Variants in GALNT13 observed in about 807,000 individuals in gnomAD.
GALNT13 encodes the protein polypeptide N-acetylgalactosaminyltransferase 13.
Under a neutral mutation model 64.2 loss-of-function variants are expected in GALNT13, and 28 were observed. The ratio of observed to expected loss-of-function variants is 0.44; its 90% CI spans 0.32 to 0.60. The LOEUF (loss-of-function observed/expected upper bound fraction) is 0.60, where lower values mean the gene tolerates loss of function less well. GALNT13 is among the 20% of genes least tolerant of loss of function. GALNT13 has a pLI of 0.05. For synonymous variants in GALNT13, 214 were observed against 224.6 expected (o/e 0.95, Z 0.42); for missense variants, 577 against 669.8 (o/e 0.86, Z 1.53).
chr2:153,815,352 T>G, the GALNT13 span, among the ~76,000 whole-genome samples: 1 of 152,180 alleles, frequency 6.6e-6, no homozygotes, highest in African/African-American at 2.4e-5. Context: ...AGTTAGTATA[T>G]CCACATTGTT....
chr2:154,425,453 T>C (rs1448056306), intron 11 of GALNT13, among the ~76,000 whole-genome samples: 2 of 152,204 alleles, frequency 1.3e-5, no homozygotes, highest in Non-Finnish European at 2.9e-5. Flanking sequence ...TGCATAATGG[T>C]ACCAACTAAT....
chr2:153,424,580 A>G, the GALNT13 span, among the ~76,000 whole-genome samples: 1 of 151,918 alleles, frequency 6.6e-6, no homozygotes. Flanking sequence ...GTAACATTTT[A>G]TATCCATCAG....
the GALNT13 span, among the ~76,000 whole-genome samples, chr2:153,842,995 T>C: frequency 1.3e-5 from 2 of 152,086 alleles, no homozygotes; most frequent in African/African-American, 4.8e-5. Context: ...AAATTAAATA[T>C]AGTGAAAGAG....
the GALNT13 span, among the ~76,000 whole-genome samples, chr2:153,584,147 C>T: frequency 6.6e-6 from 1 of 152,152 alleles, no homozygotes; most frequent in East Asian, 1.9e-4. Context: ...ATACCACCCT[C>T]CCCATGCTAA....
intron 4 of GALNT13, among the ~76,000 whole-genome samples, chr2:154,219,644 C>G (rs1349223696): frequency 6.6e-6 from 1 of 152,096 alleles, no homozygotes; most frequent in Non-Finnish European, 1.5e-5. Flanking sequence ...CTTACCAACC[C>G]AATCCTGCTC....
At chr2:153,794,973 A>G in the GALNT13 span, among the ~76,000 whole-genome samples, 3 of 152,168 alleles carry the variant, frequency 2.0e-5, no homozygotes, top group African/African-American at 4.8e-5. Flanking sequence ...AGTTAGTTCC[A>G]TTTTTTTCTT....
At chr2:153,769,301 T>A in the GALNT13 span, among the ~76,000 whole-genome samples, 1 of 151,522 alleles carries the variant, frequency 6.6e-6, no homozygotes, top group Non-Finnish European at 1.5e-5. Flanking sequence ...TCAGCTTTTG[T>A]TTGTCTGGAA....
intron 8 of GALNT13, among the ~76,000 whole-genome samples, chr2:154,273,511 T>C (rs1691467600): frequency 6.6e-6 from 1 of 152,220 alleles, no homozygotes; most frequent in African/African-American, 2.4e-5. Flanking sequence ...GTGTACCTAT[T>C]TGCCACATAC....
the GALNT13 span, among the ~76,000 whole-genome samples, chr2:153,366,574 A>T: frequency 7.4e-4 from 112 of 152,194 alleles, no homozygotes; most frequent in African/African-American, 2.5e-3. Context: ...TGGGTATCCC[A>T]GAAAGAGACA....
intron 8 of GALNT13, among the ~76,000 whole-genome samples, chr2:154,283,221 T>A (rs573678740): frequency 2.0e-5 from 3 of 152,282 alleles, no homozygotes; most frequent in South Asian, 2.1e-4. Context: ...GGGATTTTTT[T>A]TTATTATTTT....
chr2:153,361,907 G>A, the GALNT13 span, among the ~76,000 whole-genome samples: 1 of 152,090 alleles, frequency 6.6e-6, no homozygotes, highest in Non-Finnish European at 1.5e-5. Context: ...TCAACCCCAA[G>A]ACACATAATC....
At chr2:153,109,737 A>G in the GALNT13 span, among the ~76,000 whole-genome samples, 1 of 152,132 alleles carries the variant, frequency 6.6e-6, no homozygotes, top group Non-Finnish European at 1.5e-5. Flanking sequence ...TGACATTTCC[A>G]GTAAGCCCAA....
the GALNT13 span, among the ~76,000 whole-genome samples, chr2:153,537,983 C>A: frequency 1.3e-5 from 2 of 152,108 alleles, no homozygotes; most frequent in Non-Finnish European, 2.9e-5. Flanking sequence ...ATAAAGGTAG[C>A]TGAAAATGTG....
rs572058442 is a variant in GALNT13, at chr2:154,281,621, T to C, written c.976-19788T>C. 2.0e-5 allele frequency among the ~76,000 whole-genome samples: 3 copies of C among 152,254 alleles called. No homozygotes were observed. The South Asian group carries it at 6.2e-4, about 32-fold the overall frequency. On this transcript the variant is annotated intron_variant, in intron 8 of 12. Coordinates refer to ENST00000392825, the MANE Select transcript of GALNT13 (RefSeq NM_052917.4). ...CACTGTGTTTTTGAGCTGCTAGGAA[T>C]GGGTTTCTGGTTTTGAGAGGAGTGG...
intron 3 of GALNT13, among the ~76,000 whole-genome samples, chr2:154,035,658 G>T (rs555201156): frequency 2.6e-5 from 4 of 152,098 alleles, no homozygotes; most frequent in South Asian, 4.1e-4. Context: ...ATTTATTGAT[G>T]CCTAGACCAA....
the GALNT13 span, among the ~76,000 whole-genome samples, chr2:153,082,816 A>T: frequency 2.3e-4 from 34 of 145,876 alleles, no homozygotes; most frequent in Admixed American, 5.5e-4. Context: ...GAATAAATAA[A>T]ATATATTTTA....
At chr2:154,296,733 G>C (rs557897506) in intron 8 of GALNT13, among the ~76,000 whole-genome samples, 1 of 152,118 alleles carries the variant, frequency 6.6e-6, no homozygotes, top group African/African-American at 2.4e-5. Flanking sequence ...AATAACTGGG[G>C]TGGGGCTACT....
intron 2 of GALNT13, among the ~76,000 whole-genome samples, chr2:153,903,109 G>GTA (rs2105297034): frequency 6.6e-6 from 1 of 152,030 alleles, no homozygotes; most frequent in African/African-American, 2.4e-5. Flanking sequence ...TAAATCTCTT[G>GTA]TATATATTCA....
At chr2:154,220,255 T>C (rs1688256717) in intron 4 of GALNT13, among the ~76,000 whole-genome samples, 1 of 152,030 alleles carries the variant, frequency 6.6e-6, no homozygotes, top group Non-Finnish European at 1.5e-5. Context: ...GAGCCATAAA[T>C]GAAATATTTG....
Sources: allele counts gnomAD v4.1 joint callset (sites outside exome capture counted in the v4.1 genomes callset), GRCh38; gene constraint gnomAD v4.1.1; transcripts MANE v1.5; gene names NCBI Gene and HGNC (gene_info 2026-07-23, HGNC 2026-07-21).